Variants in TTC3 observed in about 807,000 individuals in gnomAD.
TTC3 encodes the protein E3 ubiquitin-protein ligase TTC3.
In TTC3, 180 loss-of-function variants were observed where a neutral mutation model predicts 249.6. The ratio of observed to expected loss-of-function variants is 0.72; its 90% confidence interval spans 0.64 to 0.82. TTC3 has a LOEUF of 0.82. Among genes scored for constraint, TTC3 ranks in the 40% least tolerant of loss-of-function variants. The pLI is 0.00. For missense variants in TTC3, 2,061 were observed against 2,398.4 expected (o/e 0.86, Z 2.94); for synonymous variants, 717 against 805.0 (o/e 0.89, Z 1.85).
intron 18 of TTC3, 48 bp from the exon 19 acceptor site, chr21:37,138,586 T>C: frequency 7.5e-7 from 1 of 1,335,894 alleles, no homozygotes; most frequent in Non-Finnish European, 1.1e-6. Context: ...GGATGCAAAT[T>C]GGGCAGAATT....
intron 6 of TTC3, 89 bp downstream of exon 6, chr21:37,090,375 A>G (rs2073099510): frequency 1.2e-5 from 15 of 1,242,916 alleles, no homozygotes; most frequent in African/African-American, 1.5e-5. Context: ...GGGTCCATAC[A>G]CTCAATGTTC....
rs766574626 is a variant in TTC3, at chr21:37,159,770, C to A, written c.3039+25C>A. 20 of 1,514,790 alleles carry A rather than the reference C, an allele frequency of 1.3e-5. No homozygotes were observed. The East Asian group carries it at 4.8e-4, about 36-fold the overall frequency. The allele number at this position is 1,514,790 out of a possible 1,614,324, so 93.8% of individuals were successfully genotyped here. On this transcript the variant is annotated intron_variant, in intron 29 of 45. Transcript: ENST00000355666. The stretch of plus-strand genomic sequence containing the variant: ...GGTAAGTTACTTGGATCACTTGAAT[C>A]TTACGTTCTAATCTGATGTTAAACC...
intron 26 of TTC3, among the ~76,000 whole-genome samples, chr21:37,152,556 T>G (rs1012808167): frequency 1.3e-5 from 2 of 151,950 alleles, no homozygotes; most frequent in Admixed American, 1.3e-4. Flanking sequence ...CCAGCTAATT[T>G]TTTGTATTTT....
chr21:37,121,981 T>A lies in TTC3; in HGVS notation c.1063+2T>A. On this transcript the variant is annotated splice_donor_variant, in intron 12 of 45. Transcript: ENST00000355666. LOFTEE classifies it high-confidence loss of function. ...AAAAACAAATAGAAGACCTACAAGG[T>A]ATTTCACCTAAGATTCTTTTGGTTA... 6.2e-7 allele frequency: 1 copy of A among 1,600,890 alleles called. No individual in the cohort carries two copies. The highest frequency in any genetic ancestry group is 2.2e-5 in the East Asian group (1 of 44,474).
At chr21:37,147,603 G>A in exon 22 of TTC3, 1 of 1,598,392 alleles carries the variant, frequency 6.3e-7, no homozygotes, top group Non-Finnish European at 8.5e-7. Flanking sequence ...CAGACTTTAA[G>A]GTAAATAATG....
At chr21:37,173,335 G>A (rs1489013640) in intron 35 of TTC3, among the ~76,000 whole-genome samples, 1 of 152,154 alleles carries the variant, frequency 6.6e-6, no homozygotes, top group African/African-American at 2.4e-5. Flanking sequence ...TACTCCTAAG[G>A]AAGTATAAGA....
intron 15 of TTC3, among the ~76,000 whole-genome samples, chr21:37,127,317 G>A (rs765938674): frequency 4.6e-5 from 7 of 152,114 alleles, no homozygotes; most frequent in Non-Finnish European, 1.0e-4. Flanking sequence ...TAACAGTGCT[G>A]TAGGCTAAGT....
In TTC3 at chr21:37,187,380, G is replaced by A. The variant is rs542772646; in HGVS notation, c.4923+235G>A. Reference sequence around the variant, plus strand: ...GCACTCATAGTGTACACCAAATTTTGTAACCTGCCTTCCTTATTTACCATT... The same window carrying A: ...GCACTCATAGTGTACACCAAATTTTATAACCTGCCTTCCTTATTTACCATT... On this transcript the variant is annotated intron_variant, in intron 38 of 45. Transcript: ENST00000355666. Among the ~76,000 whole-genome samples the A allele has an allele frequency of 6.6e-5, 10 of 152,218 alleles. No individual in the cohort carries two copies. The South Asian group carries it at 1.9e-3, about 28-fold the overall frequency.
intron 42 of TTC3, 115 bp from the exon 43 acceptor site, chr21:37,197,455 T>C: frequency 7.8e-7 from 1 of 1,281,226 alleles, no homozygotes; most frequent in Non-Finnish European, 1.1e-6. Flanking sequence ...AGATTAATTT[T>C]ATGTGCATTT....
At position 37,166,321 on chromosome 21, in the gene TTC3, G is replaced by A. The variant is rs139311281; in HGVS notation, c.4107G>A (p.Pro1369=). ...TACCAAGATCAGTACCAGTGGTGCC[G>A]TCTTTTGTAGCCAATGACAGAGCAG... Residue 1369 remains proline, a synonymous_variant, in exon 33 of 46, where the codon CCG becomes CCA. Transcript: ENST00000355666. The A allele has an allele frequency of 7.7e-4, 1,238 of 1,614,162 alleles. 3 individuals are homozygous for A. The highest frequency in any genetic ancestry group is 5.3e-3 in the Middle Eastern group (32 of 6,062).
At chr21:37,155,992 C>T (rs145150058) in intron 27 of TTC3, among the ~76,000 whole-genome samples, 1,670 of 151,094 alleles carry the variant, frequency 0.011, 24 homozygotes, top group Non-Finnish European at 0.019. Flanking sequence ...CTAGTTTATA[C>T]TAATTGGAAT....
Position 37,101,411 on chromosome 21 carries a change from C to G in TTC3, c.845+4768C>G, listed in dbSNP as rs187054891. The G allele has an allele frequency of 2.0e-5, 3 of 150,384 alleles. 1 individual carries two copies. The East Asian group carries it at 5.9e-4, about 29-fold the overall frequency. 9.3% of individuals were successfully genotyped at this position (150,384 alleles called of 1,614,324 possible). A position where few individuals can be genotyped will look rare whatever the true frequency, so the allele number is the denominator to read the frequency against. ...TTGGTTTGGTGAATTATTCCTCACT[C>G]TGCCCTCTGGTGTGTGCTCTTTATT... On this transcript the variant is annotated intron_variant, in intron 10 of 45. Coordinates refer to ENST00000355666, the Ensembl canonical transcript of TTC3.
intron 20 of TTC3, among the ~76,000 whole-genome samples, chr21:37,142,941 A>G (rs2078628802): frequency 6.6e-6 from 1 of 152,182 alleles, no homozygotes; most frequent in Non-Finnish European, 1.5e-5. Flanking sequence ...AAATAATACC[A>G]CACATCTACA....
intron 8 of TTC3, among the ~76,000 whole-genome samples, chr21:37,094,551 C>T (rs1007344367): frequency 6.6e-6 from 1 of 152,110 alleles, no homozygotes; most frequent in African/African-American, 2.4e-5. Flanking sequence ...TCTCGTTAAC[C>T]TACCAACTCA....
chr21:37,141,412 T>TCCC (rs144048156), intron 20 of TTC3, among the ~76,000 whole-genome samples: 9,174 of 150,560 alleles, frequency 0.061, 335 homozygotes, highest in African/African-American at 0.1. Context: ...TTTTGGGGAA[T>TCCC]CCCCCCCCCA....
chr21:37,119,419 T>G (rs533008224), intron 11 of TTC3, among the ~76,000 whole-genome samples: 33 of 152,290 alleles, frequency 2.2e-4, no homozygotes, highest in Middle Eastern at 3.4e-3. Context: ...CCTTTCAGGT[T>G]GTTCTTTCCC....
intron 1 of TTC3, chr21:37,083,127 G>A (rs1450058813): frequency 2.0e-6 from 2 of 985,270 alleles, no homozygotes; most frequent in Non-Finnish European, 2.4e-6. Flanking sequence ...AAATCAACTT[G>A]ATGGTAGTGG....
rs1033816697 is a variant in TTC3, at chr21:37,178,931, A to T, written c.4618-3843A>T. 2.0e-5 allele frequency among the ~76,000 whole-genome samples: 3 copies of T among 152,114 alleles called. No homozygotes were observed. The South Asian group carries it at 6.2e-4, about 32-fold the overall frequency. On this transcript the variant is annotated intron_variant, in intron 35 of 45. Coordinates refer to ENST00000355666, the Ensembl canonical transcript of TTC3. Reference sequence around the variant, plus strand: ...AGCCAGGATCATGCCATTGCACCCCAGCCTGGGCAACAACAGAGTGAGACC... The same window carrying T: ...AGCCAGGATCATGCCATTGCACCCCTGCCTGGGCAACAACAGAGTGAGACC...
Position 37,150,889 on chromosome 21 carries a change from G to C in TTC3, c.2276+5G>C, listed in dbSNP as rs1321867998. ...TCTGAAACAGAAATGTTCTAGGTAAGATTTTTAACAATCAATCAGTGGTTT... is the reference window on the plus strand; with the variant it reads ...TCTGAAACAGAAATGTTCTAGGTAACATTTTTAACAATCAATCAGTGGTTT... On this transcript the variant is annotated splice_donor_5th_base_variant and intron_variant, in intron 25 of 45. Transcript: ENST00000355666. The C allele has an allele frequency of 6.3e-7, 1 of 1,589,542 alleles. No homozygotes were observed. Among genetic ancestry groups the C allele is most frequent in the Non-Finnish European group, 8.6e-7 (1 of 1,162,066 alleles).
Sources: allele counts gnomAD v4.1 joint callset (sites outside exome capture counted in the v4.1 genomes callset), GRCh38; gene constraint gnomAD v4.1.1; transcripts MANE v1.5; gene names NCBI Gene and HGNC (gene_info 2026-07-23, HGNC 2026-07-21).